Variants in OR7C1 observed in about 807,000 individuals in gnomAD.
OR7C1 encodes olfactory receptor 7C1.
For missense variants in OR7C1, 324 were observed against 383.3 expected, an observed-to-expected ratio of 0.85 and a Z score of 1.29; for synonymous variants, 152 against 160.7, an observed-to-expected ratio of 0.95 and a Z score of 0.41.
chr19:14,816,907 G>C (rs2044718726), intron 1 of OR7C1, among the ~76,000 whole-genome samples: 1 of 152,162 alleles, frequency 6.6e-6, no homozygotes, highest in Non-Finnish European at 1.5e-5. Flanking sequence ...CTTGGGAACA[G>C]AGAATGAGCA....
At chr19:14,822,476 C>T (rs1448765409) in intron 1 of OR7C1, among the ~76,000 whole-genome samples, 1 of 150,162 alleles carries the variant, frequency 6.7e-6, no homozygotes, top group Non-Finnish European at 1.5e-5. Context: ...CCTCCACCAC[C>T]CAAGTTCAAG....
intron 2 of OR7C1, among the ~76,000 whole-genome samples, chr19:14,809,333 T>C (rs35936523): frequency 0.17 from 25,333 of 151,846 alleles, 2,318 homozygotes; most frequent in Non-Finnish European, 0.18. Context: ...AGCCGAATCC[T>C]GAGGCTTGCA....
At chr19:14,805,747 C>T (rs1421949001) in intron 2 of OR7C1, among the ~76,000 whole-genome samples, 1 of 151,874 alleles carries the variant, frequency 6.6e-6, no homozygotes, top group African/African-American at 2.4e-5. Context: ...AAAAAATAAT[C>T]TGAATGACCA....
chr19:14,827,317 T>G (rs776283253), intron 1 of OR7C1: 1 of 1,567,444 alleles, frequency 6.4e-7, no homozygotes, highest in Non-Finnish European at 8.6e-7. Flanking sequence ...CCTTTCATTG[T>G]TCCCCACAAC....
chr19:14,803,508 C>T (rs1242397593), intron 2 of OR7C1, among the ~76,000 whole-genome samples: 1 of 151,882 alleles, frequency 6.6e-6, no homozygotes, highest in Non-Finnish European at 1.5e-5. Flanking sequence ...ACATGCCTGG[C>T]TCCCAGACAG....
chr19:14,820,160 C>A (rs1384691310), intron 1 of OR7C1, among the ~76,000 whole-genome samples: 1 of 152,148 alleles, frequency 6.6e-6, no homozygotes, highest in Non-Finnish European at 1.5e-5. Flanking sequence ...GATCTGCCCA[C>A]CTTGGCCTCC....
At chr19:14,813,806 T>C (rs1289378288) in intron 1 of OR7C1, among the ~76,000 whole-genome samples, 1 of 152,072 alleles carries the variant, frequency 6.6e-6, no homozygotes, top group Non-Finnish European at 1.5e-5. Context: ...TCTGCCCCCA[T>C]GACCCAATCA....
chr19:14,814,868 A>C (rs934240390), intron 1 of OR7C1, among the ~76,000 whole-genome samples: 2 of 152,188 alleles, frequency 1.3e-5, no homozygotes, highest in Admixed American at 6.5e-5. Context: ...TCACTACACA[A>C]CAACCAACCA....
intron 2 of OR7C1, among the ~76,000 whole-genome samples, chr19:14,807,102 T>C (rs2044669393): frequency 6.6e-6 from 1 of 152,006 alleles, no homozygotes; most frequent in South Asian, 2.1e-4. Flanking sequence ...TGGTATCTCA[T>C]TGTGGTTTTG....
At chr19:14,833,271 G>A (rs2044851892) in intron 1 of OR7C1, among the ~76,000 whole-genome samples, 1 of 152,230 alleles carries the variant, frequency 6.6e-6, no homozygotes. Flanking sequence ...TTGAGGTCGG[G>A]AGTTCAAGAC....
At chr19:14,804,792 G>A (rs977180183) in intron 2 of OR7C1, among the ~76,000 whole-genome samples, 2 of 151,960 alleles carry the variant, frequency 1.3e-5, no homozygotes, top group African/African-American at 4.9e-5. Context: ...GATGGTGGTT[G>A]CGCAAAACAC....
intron 1 of OR7C1, among the ~76,000 whole-genome samples, chr19:14,822,456 C>T (rs976562740): frequency 7.2e-6 from 1 of 138,580 alleles, no homozygotes; most frequent in African/African-American, 2.7e-5. Flanking sequence ...GCGATCTCAG[C>T]TCACTGCAAC....
chr19:14,832,894 TC>T lies in OR7C1; in HGVS notation c.-623+2179del, dbSNP rs1344390819. 1.6e-3 allele frequency among the ~76,000 whole-genome samples: 244 copies of T among 152,336 alleles called. 1 individual carries two copies. The highest frequency in any genetic ancestry group is 5.7e-3 in the African/African-American group (237 of 41,578). On this transcript the variant is annotated intron_variant, in intron 1 of 4. Coordinates refer to ENST00000641666, the Ensembl canonical transcript of OR7C1. The stretch of plus-strand genomic sequence containing the variant: ...CTGACATGCTATAATAATAATTTAA[TC>T]ATATCAACATAAATTAATAAATTGG...
chr19:14,819,671 A>G (rs978714046), intron 1 of OR7C1, among the ~76,000 whole-genome samples: 1 of 152,242 alleles, frequency 6.6e-6, no homozygotes, highest in African/African-American at 2.4e-5. Flanking sequence ...TCTTATACCC[A>G]CGTTGAGATT....
In OR7C1 at chr19:14,828,711, G is replaced by A. The variant is rs1296999636; in HGVS notation, c.-623+6363C>T. On this transcript the variant is annotated intron_variant, in intron 1 of 4. Coordinates refer to ENST00000641666, the Ensembl canonical transcript of OR7C1. ...GGAGGCAGAAGTTGCAGTGAGCTGA[G>A]ATCATGCCACTGCACTCCAGCCTGG... Among the ~76,000 whole-genome samples the A allele has an allele frequency of 5.8e-5, 7 of 121,292 alleles. No individual in the cohort carries two copies. In the East Asian group the frequency reaches 2.0e-3, roughly 35 times the overall value. The allele number at this position is 121,292 out of a possible 152,430, so 79.6% of individuals were successfully genotyped here. A position where few individuals can be genotyped will look rare whatever the true frequency, so the allele number is the denominator to read the frequency against.
Position 14,801,722 on chromosome 19 carries a change from G to A in OR7C1, c.-434-958C>T, listed in dbSNP as rs149875295. Among the ~76,000 whole-genome samples the A allele has an allele frequency of 2.5e-3, 380 of 152,310 alleles. No individual in the cohort carries two copies. The Middle Eastern group carries it at 0.031, about 12-fold the overall frequency. ...TGATTCACAGTTCTGTATGACTTGG[G>A]AGGCCTCAGGAAACTTACAATTATG... On this transcript the variant is annotated intron_variant, in intron 2 of 4. Transcript: ENST00000641666.
chr19:14,819,573 A>G (rs2044731666), intron 1 of OR7C1, among the ~76,000 whole-genome samples: 2 of 152,166 alleles, frequency 1.3e-5, no homozygotes, highest in South Asian at 2.1e-4. Flanking sequence ...TCTATTGTTG[A>G]TGGGCATTTA....
At chr19:14,801,503 G>T (rs1025261570) in intron 2 of OR7C1, among the ~76,000 whole-genome samples, 2 of 152,166 alleles carry the variant, frequency 1.3e-5, no homozygotes, top group African/African-American at 4.8e-5. Flanking sequence ...TATAGGTACT[G>T]CGTATTAAAT....
At chr19:14,810,210 C>G (rs1180587234) in intron 1 of OR7C1, among the ~76,000 whole-genome samples, 1 of 151,746 alleles carries the variant, frequency 6.6e-6, no homozygotes, top group Non-Finnish European at 1.5e-5. Flanking sequence ...TTTTCATCTC[C>G]CTTAGAATGA....
Sources: allele counts gnomAD v4.1 joint callset (sites outside exome capture counted in the v4.1 genomes callset), GRCh38; gene constraint gnomAD v4.1.1; transcripts MANE v1.5; gene names NCBI Gene and HGNC (gene_info 2026-07-23, HGNC 2026-07-21).